The following CDH23 variants were observed in gnomAD, a reference collection of about 807,000 sequenced individuals.
The protein encoded by CDH23 is cadherin-23.
Under a neutral mutation model 317.1 loss-of-function variants are expected in CDH23, and 189 were observed. The ratio of observed to expected loss-of-function variants is 0.60; its 90% CI spans 0.53 to 0.67. CDH23 has a LOEUF of 0.67. Among genes scored for constraint, CDH23 ranks in the 30% least tolerant of loss-of-function variants. The pLI is 0.00. For synonymous variants in CDH23, 1,839 were observed against 1,876.8 expected, an observed-to-expected ratio of 0.98 and a Z score of 0.52; for missense variants, 4,401 against 4,592.4, an observed-to-expected ratio of 0.96 and a Z score of 1.20.
At chr10:71,417,626 T>C (rs1848590208) in intron 1 of CDH23, among the ~76,000 whole-genome samples, 1 of 152,214 alleles carries the variant, frequency 6.6e-6, no homozygotes, top group South Asian at 2.1e-4. Flanking sequence ...TTCTTTTTCT[T>C]TGAGACAAGT....
At chr10:71,588,360 G>C (rs1044623068) in intron 9 of CDH23, among the ~76,000 whole-genome samples, 1 of 152,146 alleles carries the variant, frequency 6.6e-6, no homozygotes, top group Non-Finnish European at 1.5e-5. Flanking sequence ...AGGTGACCTT[G>C]AGCCGGTTAC....
At chr10:71,812,053 G>A (rs546057140) in intron 66 of CDH23, 38 bp downstream of exon 66, 11 of 1,613,936 alleles carry the variant, frequency 6.8e-6, no homozygotes, top group Non-Finnish European at 9.3e-6. Flanking sequence ...CCCCTGCGGG[G>A]AGTCCTGCCA....
chr10:71,753,784 G>C (rs1217432120), intron 38 of CDH23: 4 of 456,464 alleles, frequency 8.8e-6, no homozygotes, highest in South Asian at 6.2e-5. Context: ...TGGTGGGGGA[G>C]GGGCACAACA....
intron 16 of CDH23, 83 bp from the exon 17 acceptor site, chr10:71,679,304 T>TCCC: frequency 2.3e-6 from 2 of 867,764 alleles, no homozygotes; most frequent in Non-Finnish European, 3.8e-6. Context: ...GGGCCAGTCT[T>TCCC]CCCCACCCTC....
intron 3 of CDH23, among the ~76,000 whole-genome samples, chr10:71,462,132 G>A (rs1589343429): frequency 1.3e-5 from 2 of 152,212 alleles, no homozygotes; most frequent in South Asian, 2.1e-4. Context: ...GCTTATCATC[G>A]GATAGCAGAT....
Position 71,682,471 on chromosome 10 carries a change from T to C in CDH23, c.1885T>C (p.Tyr629His). 6.2e-7 allele frequency: 1 copy of C among 1,612,568 alleles called. No individual in the cohort carries two copies. The highest frequency in any genetic ancestry group is 8.5e-7 in the Non-Finnish European group (1 of 1,179,316). The change falls in exon 18 of 70, where the codon TAT (tyrosine) becomes CAT (histidine). Residue 629 changes from tyrosine (Y) to histidine (H), a missense_variant. Tyr to His is a moderately conservative substitution (Grantham distance 83, BLOSUM62 2). Transcript: ENST00000224721. ...GVISVSRPLD[Y>H]EQISNGLIYL... ...GATCAGCGTCAGTCGCCCCCTGGAT[T>C]ATGAACAGATATCCAATGGGCTGAT...
intron 9 of CDH23, among the ~76,000 whole-genome samples, chr10:71,598,749 G>C (rs1176658801): frequency 6.6e-6 from 1 of 152,260 alleles, no homozygotes; most frequent in Non-Finnish European, 1.5e-5. Flanking sequence ...TGGTCGAAAA[G>C]GCAAGGACGT....
At chr10:71,567,026 C>A in intron 7 of CDH23, 90 bp downstream of exon 7, 2 of 1,146,546 alleles carry the variant, frequency 1.7e-6, no homozygotes, top group South Asian at 1.3e-5. Context: ...GACATTGACC[C>A]AGTGGCACAC....
chr10:71,645,519 G>A, intron 12 of CDH23: 1 of 519,696 alleles, frequency 1.9e-6, no homozygotes, highest in Non-Finnish European at 3.7e-6. Context: ...TCCGCAGCTG[G>A]GGTCACTGGG....
chr10:71,808,376 C>T (rs1446955436), intron 60 of CDH23, among the ~76,000 whole-genome samples: 1 of 152,074 alleles, frequency 6.6e-6, no homozygotes, highest in Non-Finnish European at 1.5e-5. Context: ...TCCTTTCTTC[C>T]ATCTGTCCAT....
At chr10:71,567,905 C>T (rs1190244978) in intron 7 of CDH23, among the ~76,000 whole-genome samples, 1 of 152,232 alleles carries the variant, frequency 6.6e-6, no homozygotes, top group African/African-American at 2.4e-5. Context: ...CCTCCAGGTC[C>T]TATCTGCCTG....
intron 1 of CDH23, among the ~76,000 whole-genome samples, chr10:71,413,036 A>G (rs986941670): frequency 6.6e-6 from 1 of 152,180 alleles, no homozygotes; most frequent in Non-Finnish European, 1.5e-5. Flanking sequence ...TTTTGGTGTC[A>G]TATCCAATAA....
intron 1 of CDH23, among the ~76,000 whole-genome samples, chr10:71,429,480 A>G (rs894042272): frequency 6.6e-6 from 1 of 152,202 alleles, no homozygotes; most frequent in Non-Finnish European, 1.5e-5. Flanking sequence ...GGGTGTGGAC[A>G]CATCATTCTT....
chr10:71,544,730 C>T (rs761235001), intron 6 of CDH23, among the ~76,000 whole-genome samples: 7 of 152,218 alleles, frequency 4.6e-5, no homozygotes, highest in Non-Finnish European at 8.8e-5. Context: ...ACAAGACCCA[C>T]GAGGCAAAGA....
Position 71,541,817 on chromosome 10 carries a change from G to C in CDH23, c.430-24925G>C, listed in dbSNP as rs60657809. Among the ~76,000 whole-genome samples, 1,059 of 152,338 alleles carry C rather than the reference G, an allele frequency of 7.0e-3. 14 individuals carry two copies. Among genetic ancestry groups the C allele is most frequent in the African/African-American group, 0.024 (1,012 of 41,576 alleles). ...CCACAGATAGCATATAAAAGACTGA[G>C]GACAACGTGTTCCAATACAAGTTTA... On this transcript the variant is annotated intron_variant, in intron 6 of 69. Transcript: ENST00000224721.
chr10:71,762,052 C>G, intron 38 of CDH23: 1 of 1,567,312 alleles, frequency 6.4e-7, no homozygotes, highest in South Asian at 1.2e-5. Flanking sequence ...AGAGCCCTGT[C>G]ACCTGACTGA....
chr10:71,682,204 C>G (rs1864680828), intron 17 of CDH23, among the ~76,000 whole-genome samples: 1 of 152,240 alleles, frequency 6.6e-6, no homozygotes, highest in East Asian at 1.9e-4. Context: ...GTTTCTTCAT[C>G]TGTAAAAGTG....
chr10:71,510,108 C>T lies in CDH23; in HGVS notation c.172C>T (p.Gln58Ter), dbSNP rs758698850. The T allele has an allele frequency of 3.1e-6, 5 of 1,614,038 alleles. No individual in the cohort carries two copies. The highest frequency in any genetic ancestry group is 1.7e-6 in the Non-Finnish European group (2 of 1,179,904). Residue 58 changes from glutamine (Q) to a stop codon, truncating the protein, a stop_gained, in exon 4 of 70, where the codon CAA (glutamine) becomes TAA (stop). Transcript: ENST00000224721. LOFTEE classifies it high-confidence loss of function. ...TTCTTCTGTGACCCAGTTGCTGGCCCAAGACATGGACAATGACCCCCTGGT... is the reference window on the plus strand; with the variant it reads ...TTCTTCTGTGACCCAGTTGCTGGCCTAAGACATGGACAATGACCCCCTGGT... The part of the protein sequence containing the change: ...VGSSVTQLLA[Q>*]DMDNDPLVFG...
intron 9 of CDH23, among the ~76,000 whole-genome samples, chr10:71,594,242 G>A (rs749898560): frequency 6.6e-6 from 1 of 152,066 alleles, no homozygotes; most frequent in Non-Finnish European, 1.5e-5. Context: ...ATAAAAAATT[G>A]TGCTCAATTA....
Sources: allele counts gnomAD v4.1 joint callset (sites outside exome capture counted in the v4.1 genomes callset), GRCh38; gene constraint gnomAD v4.1.1; transcripts MANE v1.5; gene names NCBI Gene and HGNC (gene_info 2026-07-23, HGNC 2026-07-21).